The following CCT7 variants were observed in gnomAD, a reference collection of about 807,000 sequenced individuals.
The protein encoded by CCT7 is chaperonin containing TCP1 subunit 7.
In CCT7, 16 loss-of-function variants were observed where a neutral mutation model predicts 56.6. That is an observed-to-expected ratio of 0.28 (90% CI 0.19 to 0.43). The LOEUF (loss-of-function observed/expected upper bound fraction) is 0.43, where lower values mean the gene tolerates loss of function less well. Ranked by LOEUF, CCT7 falls within the 20% of genes least tolerant of loss-of-function variation. The probability of loss-of-function intolerance (pLI) is 1.00; values close to 1 mark genes in which losing one functional copy is unlikely to be tolerated. For missense variants in CCT7, 519 were observed against 685.6 expected, an observed-to-expected ratio of 0.76 and a Z score of 2.71; for synonymous variants, 262 against 254.8, an observed-to-expected ratio of 1.03 and a Z score of -0.27.
In CCT7 at chr2:73,248,667, T is replaced by C. The variant is rs182977853; in HGVS notation, c.784-324T>C. Among the ~76,000 whole-genome samples, 245 of 152,302 alleles carry C rather than the reference T, an allele frequency of 1.6e-3. 1 individual carries two copies. The highest frequency in any genetic ancestry group is 5.5e-3 in the African/African-American group (228 of 41,570). On this transcript the variant is annotated intron_variant, in intron 7 of 11. Coordinates refer to ENST00000258091, the MANE Select transcript of CCT7 (RefSeq NM_006429.4). ...ACTGTGCCCGGCCAAAGGGGTCTTA[T>C]TGGGAACTCCATGAATCCAGCACCT...
intron 1 of CCT7, among the ~76,000 whole-genome samples, chr2:73,236,358 C>T (rs1574351107): frequency 6.6e-6 from 1 of 150,942 alleles, no homozygotes; most frequent in East Asian, 1.9e-4. Context: ...TTTTTTTTTC[C>T]CGAGATGGAG....
intron 9 of CCT7, among the ~76,000 whole-genome samples, 188 bp from the exon 10 acceptor site, chr2:73,250,118 A>T (rs1687509650): frequency 1.3e-5 from 2 of 152,224 alleles, no homozygotes; most frequent in Admixed American, 6.5e-5. Flanking sequence ...TTGACTCCAC[A>T]ATCTTTTATG....
Position 73,249,160 on chromosome 2 carries a change from A to T in CCT7, c.953A>T (p.Asp318Val), listed in dbSNP as rs1391175189. 6.2e-7 allele frequency: 1 copy of T among 1,610,930 alleles called. No individual in the cohort carries two copies. The highest frequency in any genetic ancestry group is 1.3e-5 in the African/African-American group (1 of 74,854). ...TGTGCTGGCCGAGTACCTGAGGAGG[A>T]TCTGAAGAGGACAATGATGGTAACC... ...MFCAGRVPEE[D>V]LKRTMMACGG... is the part of the protein sequence containing the mutation. The change falls in exon 8 of 12, where the codon GAT becomes GTT. Residue 318 changes from aspartate to valine, a missense_variant. Around this residue, in one of 3 missense-constraint regions of CCT7, gnomAD observed 6 missense variants for 27.6 expected, o/e 0.22. Transcript: ENST00000258091.
chr2:73,234,431 G>A (rs1686767271), intron 1 of CCT7, 47 bp downstream of exon 1: 3 of 1,608,590 alleles, frequency 1.9e-6, no homozygotes, highest in Middle Eastern at 1.7e-4. Flanking sequence ...CCATCTGGCC[G>A]GTGGCCGGCG....
chr2:73,238,096 A>AT (rs1189802312), intron 1 of CCT7, among the ~76,000 whole-genome samples: 1 of 151,976 alleles, frequency 6.6e-6, no homozygotes, highest in African/African-American at 2.4e-5. Flanking sequence ...TTTATTGGGT[A>AT]TTTTTCGTTT....
chr2:73,249,997 T>TG (rs1437006909), intron 9 of CCT7, 81 bp downstream of exon 9: 8 of 975,398 alleles, frequency 8.2e-6, no homozygotes, highest in Non-Finnish European at 1.2e-5. Flanking sequence ...TATACAGCTT[T>TG]TACAAAGTCT....
At position 73,244,639 on chromosome 2, in the gene CCT7, A is replaced by T. The variant is rs780992908; in HGVS notation, c.542A>T (p.Asp181Val). The change falls in exon 6 of 12, where the codon GAT becomes GTT. Residue 181 changes from aspartate to valine, a missense_variant. Around this residue, in one of 3 missense-constraint regions of CCT7, gnomAD observed 276 missense variants for 357.3 expected, o/e 0.77. Coordinates refer to ENST00000258091, the MANE Select transcript of CCT7 (RefSeq NM_006429.4). ...GCTTTCTTTGCTAAGATGGTGGTGG[A>T]TGCAGTGATGATGCTCGATGATTTG... ...QKAFFAKMVVDAVMMLDDLLQ... is the reference protein window; with the variant it reads ...QKAFFAKMVVVAVMMLDDLLQ... 5 of 1,613,884 alleles carry T rather than the reference A, an allele frequency of 3.1e-6. No individual in the cohort carries two copies. The highest frequency in any genetic ancestry group is 1.7e-5 in the Admixed American group (1 of 60,012).
intron 3 of CCT7, among the ~76,000 whole-genome samples, chr2:73,241,403 T>C (rs890073022): frequency 1.1e-4 from 16 of 152,132 alleles, no homozygotes; most frequent in Non-Finnish European, 1.6e-4. Context: ...TAACCTTTTT[T>C]TTTTTGCCCC....
chr2:73,243,254 T>A (rs1457028817), intron 4 of CCT7, 125 bp downstream of exon 4: 3 of 987,828 alleles, frequency 3.0e-6, no homozygotes, highest in Non-Finnish European at 4.6e-6. Context: ...TTTTCTGACA[T>A]CTCCTTAGTA....
chr2:73,241,826 C>T (rs1317399763), intron 3 of CCT7, among the ~76,000 whole-genome samples: 1 of 150,840 alleles, frequency 6.6e-6, no homozygotes, highest in African/African-American at 2.4e-5. Context: ...CTGCAACCTC[C>T]GCCTCCTGGG....
intron 11 of CCT7, among the ~76,000 whole-genome samples, chr2:73,251,783 C>CA (rs1387194814): frequency 1.3e-5 from 2 of 152,166 alleles, no homozygotes; most frequent in South Asian, 4.1e-4. Flanking sequence ...ACTAAAAATA[C>CA]AAAAAATTAG....
At chr2:73,249,537 G>C (rs1043865145) in intron 8 of CCT7, among the ~76,000 whole-genome samples, 7 of 152,292 alleles carry the variant, frequency 4.6e-5, no homozygotes, top group Admixed American at 1.3e-4. Context: ...TCAGTTGCTG[G>C]ACCCAGTGCC....
chr2:73,247,783 G>A lies in CCT7; in HGVS notation c.640G>A (p.Val214Ile), dbSNP rs778316309. The change falls in exon 7 of 12, where the codon GTT becomes ATT. Residue 214 changes from valine (V) to isoleucine (I), a missense_variant. Coordinates refer to ENST00000258091, the MANE Select transcript of CCT7 (RefSeq NM_006429.4). Reference sequence around the variant, plus strand: ...ACAGGATTCTCAGCTGGTAGCTGGTGTTGCATTCAAGAAGACTTTCTCTTA... The same window carrying A: ...ACAGGATTCTCAGCTGGTAGCTGGTATTGCATTCAAGAAGACTTTCTCTTA... Reference protein sequence around the residue: ...ALEDSQLVAGVAFKKTFSYAG... With the variant: ...ALEDSQLVAGIAFKKTFSYAG... The A allele has an allele frequency of 1.9e-6, 3 of 1,613,876 alleles. No individual in the cohort carries two copies. Among genetic ancestry groups the A allele is most frequent in the African/African-American group, 1.3e-5 (1 of 74,920 alleles).
chr2:73,249,851 T>A lies in CCT7; in HGVS notation c.1005T>A (p.Asn335Lys). The A allele has an allele frequency of 1.2e-6, 2 of 1,614,018 alleles. No individual in the cohort carries two copies. Among genetic ancestry groups the A allele is most frequent in the Non-Finnish European group, 1.7e-6 (2 of 1,179,866 alleles). Residue 335 changes from asparagine (N) to lysine (K), a missense_variant, in exon 9 of 12, where the codon AAT becomes AAA. By Grantham distance (94) the Asn-to-Lys change is moderately conservative. This residue lies in a region of CCT7 where 237 missense variants were observed against 300.8 expected (regional missense o/e 0.79). Coordinates refer to ENST00000258091, the MANE Select transcript of CCT7 (RefSeq NM_006429.4). ...ACGGSIQTSV[N>K]ALSADVLGRC... ...GAGGCTCAATCCAGACCAGTGTGAA[T>A]GCTCTGTCAGCAGATGTGCTGGGTC... is the stretch of plus-strand genomic sequence containing the variant.
intron 10 of CCT7, among the ~76,000 whole-genome samples, chr2:73,250,732 T>G (rs1304521171): frequency 6.6e-6 from 1 of 151,658 alleles, no homozygotes; most frequent in Non-Finnish European, 1.5e-5. Context: ...AGACCAAGAG[T>G]TTGACACCAG....
chr2:73,241,392 G>A (rs931277162), intron 3 of CCT7, among the ~76,000 whole-genome samples: 5 of 133,450 alleles, frequency 3.7e-5, no homozygotes, highest in Admixed American at 1.5e-4. Context: ...CTTCTCTATA[G>A]TAACCTTTTT....
chr2:73,252,589 G>A lies in CCT7; in HGVS notation c.1411-51G>A, dbSNP rs779733507. 9.7e-6 allele frequency: 14 copies of A among 1,441,516 alleles called. No individual in the cohort carries two copies. The African/African-American group carries it at 1.1e-4, about 12-fold the overall frequency. 89.3% of individuals were successfully genotyped at this position (1,441,516 alleles called of 1,614,324 possible). A position where few individuals can be genotyped will look rare whatever the true frequency, so the allele number is the denominator to read the frequency against. ...CTTTTGGAGTACCAGTTTACAAGAG[G>A]AAAGTTGAAAGTAGTTCCATATTAC... On this transcript the variant is annotated intron_variant, in intron 11 of 11. Transcript: ENST00000258091.
At chr2:73,249,253 G>C (rs1687472019) in intron 8 of CCT7, 74 bp downstream of exon 8, 2 of 1,191,994 alleles carry the variant, frequency 1.7e-6, no homozygotes, top group Non-Finnish European at 2.3e-6. Flanking sequence ...TGGTATAACA[G>C]AGTGTACTGT....
At chr2:73,234,627 A>G (rs1410565486) in intron 1 of CCT7, among the ~76,000 whole-genome samples, 1 of 152,164 alleles carries the variant, frequency 6.6e-6, no homozygotes, top group Admixed American at 6.5e-5. Context: ...GTTGGGGACT[A>G]CAAGTCCCAG....
Sources: gnomAD v4.1 joint callset for allele counts (sites outside exome capture counted in the v4.1 genomes callset) on GRCh38, gnomAD v4.1.1 for gene constraint, gnomAD v4.1.1 regional missense constraint, MANE v1.5 for transcripts, NCBI Gene and HGNC (gene_info 2026-07-23, HGNC 2026-07-21) for gene names.